Variants in ELP4 observed in about 807,000 individuals in gnomAD.
ELP4 encodes the protein elongator complex protein 4.
A neutral mutation model predicts 48.9 loss-of-function variants in ELP4; 51 were observed. The observed-to-expected ratio is 1.04, with a 90% CI of 0.83 to 1.32. The LOEUF is 1.32. Among genes scored for constraint, ELP4 ranks in the 40% most tolerant of loss-of-function variants. The pLI is 0.00. For synonymous variants in ELP4, 210 were observed against 189.2 expected, an observed-to-expected ratio of 1.11 and a Z score of -0.90; for missense variants, 519 against 514.6, an observed-to-expected ratio of 1.01 and a Z score of -0.08.
chr11:31,605,599 A>G (rs1035303739), intron 5 of ELP4, among the ~76,000 whole-genome samples: 1 of 152,154 alleles, frequency 6.6e-6, no homozygotes, highest in Admixed American at 6.6e-5. Flanking sequence ...ATGTATTTAA[A>G]TGAAAAATAA....
chr11:31,711,392 A>G (rs937911721), intron 9 of ELP4, among the ~76,000 whole-genome samples: 2 of 152,158 alleles, frequency 1.3e-5, no homozygotes, highest in Non-Finnish European at 2.9e-5. Context: ...CAGAGCCAGT[A>G]ATTCAGTCAG....
In ELP4 at chr11:31,783,616, C is replaced by A; in HGVS notation, c.*92C>A. The A allele has an allele frequency of 8.2e-7, 1 of 1,217,694 alleles. No individual in the cohort carries two copies. The highest frequency in any genetic ancestry group is 1.1e-6 in the Non-Finnish European group (1 of 895,418). The allele number at this position is 1,217,694 out of a possible 1,614,324, so 75.4% of individuals were successfully genotyped here. A position where few individuals can be genotyped will look rare whatever the true frequency, so the allele number is the denominator to read the frequency against. On this transcript the variant is annotated 3_prime_UTR_variant, in exon 10 of 10. Transcript: ENST00000640961. ...GTAAATATTTTTCTTAACAATTTGA[C>A]CCTCCACTCCTTGAAAAACACAGGA...
chr11:31,567,760 C>G (rs975352249), intron 3 of ELP4, among the ~76,000 whole-genome samples: 4 of 152,112 alleles, frequency 2.6e-5, no homozygotes, highest in African/African-American at 9.7e-5. Context: ...CCATAGTCTA[C>G]TAAGTGTGCA....
At chr11:31,625,969 T>C (rs954104975) in intron 5 of ELP4, among the ~76,000 whole-genome samples, 5 of 151,886 alleles carry the variant, frequency 3.3e-5, no homozygotes, top group Non-Finnish European at 4.4e-5. Context: ...ATAGCCAAAG[T>C]ACCAAATTTT....
chr11:31,646,201 T>A (rs1451622585), intron 7 of ELP4: 1 of 151,796 alleles, frequency 6.6e-6, no homozygotes, highest in Middle Eastern at 3.2e-3. Flanking sequence ...AAATAGGCAT[T>A]TCCAAACTAT....
intron 3 of ELP4, among the ~76,000 whole-genome samples, chr11:31,560,701 T>TAAAACAACGTTGTTTTATATATA (rs1554960335): frequency 1.4e-5 from 2 of 147,470 alleles, no homozygotes; most frequent in Non-Finnish European, 3.0e-5. Context: ...TATATATATA[T>TAAAACAACGTTGTTTTATATATA]AAAACAACGT....
At chr11:31,625,993 C>T (rs1230714224) in intron 5 of ELP4, among the ~76,000 whole-genome samples, 1 of 151,740 alleles carries the variant, frequency 6.6e-6, no homozygotes, top group Admixed American at 6.6e-5. Flanking sequence ...TTATCTGGAG[C>T]TGTATTTGTT....
chr11:31,723,815 ATAAACAC>A (rs1369955963), intron 9 of ELP4, among the ~76,000 whole-genome samples: 13 of 152,202 alleles, frequency 8.5e-5, no homozygotes, highest in Non-Finnish European at 2.9e-5. Flanking sequence ...GATCATATTT[ATAAACAC>A]TGTACAGTGT....
At chr11:31,657,728 T>C (rs578047532) in intron 9 of ELP4, among the ~76,000 whole-genome samples, 2 of 151,976 alleles carry the variant, frequency 1.3e-5, no homozygotes, top group Non-Finnish European at 2.9e-5. Flanking sequence ...ACAGGAGTTA[T>C]ATAACCTTCC....
intron 7 of ELP4, among the ~76,000 whole-genome samples, chr11:31,635,973 C>T (rs1459719080): frequency 1.3e-5 from 2 of 151,962 alleles, no homozygotes; most frequent in Non-Finnish European, 2.9e-5. Context: ...CATGTTGTAA[C>T]AAGACTCTTT....
At chr11:31,626,434 A>G (rs943925532) in intron 5 of ELP4, among the ~76,000 whole-genome samples, 11 of 151,784 alleles carry the variant, frequency 7.2e-5, no homozygotes, top group African/African-American at 1.9e-4. Context: ...TGTAAAGCAG[A>G]TTTTCCTCAT....
chr11:31,510,402 T>G (rs1273814719), intron 1 of ELP4: 10 of 415,706 alleles, frequency 2.4e-5, no homozygotes, highest in Non-Finnish European at 4.3e-5. Context: ...CTGCAAAAGT[T>G]TTTATAATTG....
chr11:31,770,170 G>A (rs1318307444), intron 9 of ELP4, among the ~76,000 whole-genome samples: 4 of 152,130 alleles, frequency 2.6e-5, no homozygotes, highest in Admixed American at 1.3e-4. Context: ...ATATGCTCCG[G>A]CCTGTATTGT....
chr11:31,644,631 A>G lies in ELP4; in HGVS notation c.928-3110A>G, dbSNP rs1224135718. 2.0e-5 allele frequency among the ~76,000 whole-genome samples: 3 copies of G among 151,726 alleles called. No homozygotes were observed. The Admixed American group carries it at 2.0e-4, about 10-fold the overall frequency. ...CTTTTATGGGTTTTTTAAGCTGTTA[A>G]TTTTATATTCTTCTAAGTAAATTCA... On this transcript the variant is annotated intron_variant, in intron 7 of 9. Transcript: ENST00000640961.
chr11:31,770,619 T>C (rs750756996), intron 9 of ELP4, among the ~76,000 whole-genome samples: 2 of 149,240 alleles, frequency 1.3e-5, no homozygotes. Flanking sequence ...TCAGTTTGCA[T>C]AGAAAGTAAA....
intron 9 of ELP4, among the ~76,000 whole-genome samples, chr11:31,708,151 T>C (rs1447498198): frequency 3.3e-5 from 5 of 152,174 alleles, no homozygotes; most frequent in Admixed American, 2.6e-4. Flanking sequence ...TGTAACTCTT[T>C]ACATTTTCCC....
At chr11:31,553,124 T>C (rs1956877799) in intron 3 of ELP4, among the ~76,000 whole-genome samples, 1 of 152,192 alleles carries the variant, frequency 6.6e-6, no homozygotes, top group African/African-American at 2.4e-5. Context: ...TGTCACCTGA[T>C]ATGCTTTATA....
chr11:31,594,719 T>G, intron 3 of ELP4, 51 bp from the exon 4 acceptor site: 1 of 1,354,554 alleles, frequency 7.4e-7, no homozygotes, highest in Non-Finnish European at 9.8e-7. Flanking sequence ...TTTAAGAAAA[T>G]TGTCATATTT....
At chr11:31,510,062 C>G in intron 1 of ELP4, 55 bp downstream of exon 1, 1 of 1,545,826 alleles carries the variant, frequency 6.5e-7, no homozygotes, top group Non-Finnish European at 8.8e-7. Context: ...GGGAGGGGAC[C>G]TGTCGGGGAA....
Sources: gnomAD v4.1 joint callset for allele counts (sites outside exome capture counted in the v4.1 genomes callset) on GRCh38, gnomAD v4.1.1 for gene constraint, MANE v1.5 for transcripts, NCBI Gene and HGNC (gene_info 2026-07-23, HGNC 2026-07-21) for gene names.